The following ALDH1A2 variants were observed in gnomAD, a reference collection of about 807,000 sequenced individuals.
The protein encoded by ALDH1A2 is retinal dehydrogenase 2.
Under a neutral mutation model 60.3 loss-of-function variants are expected in ALDH1A2, and 27 were observed. That is an observed-to-expected ratio of 0.45 (90% CI 0.33 to 0.62). The LOEUF is 0.62. Ranked by LOEUF, ALDH1A2 falls within the 20% of genes least tolerant of loss-of-function variation. The pLI is 0.02. For missense variants in ALDH1A2, 581 were observed against 643.8 expected, an observed-to-expected ratio of 0.90 and a Z score of 1.06; for synonymous variants, 289 against 232.4, an observed-to-expected ratio of 1.24 and a Z score of -2.21.
intron 1 of ALDH1A2, among the ~76,000 whole-genome samples, chr15:58,046,344 T>C (rs1896640133): frequency 6.6e-6 from 1 of 152,062 alleles, no homozygotes; most frequent in African/African-American, 2.4e-5. Context: ...GCAAGTCTGT[T>C]CCCCCAAGAC....
At chr15:58,006,075 C>G (rs1895444485) in intron 4 of ALDH1A2, among the ~76,000 whole-genome samples, 1 of 151,038 alleles carries the variant, frequency 6.6e-6, no homozygotes, top group Non-Finnish European at 1.5e-5. Context: ...TGTTTGGTTA[C>G]ATGAATAAGT....
At chr15:57,967,260 C>T (rs1893928499) in intron 7 of ALDH1A2, among the ~76,000 whole-genome samples, 1 of 151,602 alleles carries the variant, frequency 6.6e-6, no homozygotes, top group Middle Eastern at 3.4e-3. Context: ...GGATCCTCCT[C>T]TGTAGGGGGG....
chr15:58,022,182 T>C (rs1394858173), intron 1 of ALDH1A2, among the ~76,000 whole-genome samples: 3 of 152,102 alleles, frequency 2.0e-5, no homozygotes, highest in African/African-American at 4.8e-5. Flanking sequence ...CAAAAGCCCA[T>C]CTGGCCTCAC....
chr15:57,975,841 CAG>C (rs1371501266), intron 7 of ALDH1A2, among the ~76,000 whole-genome samples: 5 of 151,902 alleles, frequency 3.3e-5, no homozygotes, highest in African/African-American at 1.2e-4. Context: ...AGAGATAAGA[CAG>C]AGAGATTACA....
At chr15:58,047,219 A>G (rs1275918183) in intron 1 of ALDH1A2, among the ~76,000 whole-genome samples, 1 of 151,992 alleles carries the variant, frequency 6.6e-6, no homozygotes. Context: ...GCCATGTTTT[A>G]TTTCAGTAAT....
At chr15:57,984,762 T>C (rs915339308) in intron 7 of ALDH1A2, among the ~76,000 whole-genome samples, 1 of 152,226 alleles carries the variant, frequency 6.6e-6, no homozygotes, top group African/African-American at 2.4e-5. Context: ...CGCTTATCAT[T>C]TAATGGACAT....
chr15:58,013,101 A>G (rs1470390027), intron 3 of ALDH1A2, among the ~76,000 whole-genome samples: 3 of 152,230 alleles, frequency 2.0e-5, no homozygotes, highest in East Asian at 3.8e-4. Context: ...GGAAGTTGCT[A>G]TCTCCTGCTG....
chr15:57,971,086 C>G (rs1465468572), intron 7 of ALDH1A2, among the ~76,000 whole-genome samples: 2 of 152,198 alleles, frequency 1.3e-5, no homozygotes, highest in African/African-American at 4.8e-5. Context: ...GCCAGTATAA[C>G]CACTATGTTT....
intron 1 of ALDH1A2, among the ~76,000 whole-genome samples, chr15:58,037,245 G>T (rs1489980523): frequency 1.3e-5 from 2 of 151,452 alleles, no homozygotes; most frequent in African/African-American, 4.8e-5. Context: ...ATAGAAAGAA[G>T]ACCTCAGAAA....
chr15:57,959,726 T>C (rs1320778712), intron 12 of ALDH1A2, among the ~76,000 whole-genome samples: 1 of 152,148 alleles, frequency 6.6e-6, no homozygotes, highest in Non-Finnish European at 1.5e-5. Flanking sequence ...GTTGCACAGG[T>C]AGTAATAGTG....
At chr15:58,058,598 C>T (rs1206065828) in intron 1 of ALDH1A2, among the ~76,000 whole-genome samples, 1 of 150,770 alleles carries the variant, frequency 6.6e-6, no homozygotes, top group Non-Finnish European at 1.5e-5. Context: ...AATGTATAAT[C>T]AAGATTGGAA....
intron 1 of ALDH1A2, among the ~76,000 whole-genome samples, chr15:58,051,595 C>A (rs1277467387): frequency 6.6e-6 from 1 of 152,080 alleles, no homozygotes; most frequent in Non-Finnish European, 1.5e-5. Context: ...AAAAACTAGC[C>A]ATAACTACAT....
intron 1 of ALDH1A2, among the ~76,000 whole-genome samples, chr15:58,026,003 C>T (rs1896069038): frequency 6.6e-6 from 1 of 152,184 alleles, no homozygotes; most frequent in South Asian, 2.1e-4. Flanking sequence ...CATTGGGGAT[C>T]ACATTGCCAC....
At chr15:58,031,804 G>C (rs1220120291) in intron 1 of ALDH1A2, among the ~76,000 whole-genome samples, 1 of 152,158 alleles carries the variant, frequency 6.6e-6, no homozygotes, top group Non-Finnish European at 1.5e-5. Flanking sequence ...ACCACAATGA[G>C]ATACCATCTC....
In ALDH1A2 at chr15:57,961,184, G is replaced by A. The variant is rs745467454; in HGVS notation, c.1362C>T (p.Ile454=). The A allele has an allele frequency of 1.9e-6, 3 of 1,614,020 alleles. No homozygotes were observed. The highest frequency in any genetic ancestry group is 2.2e-5 in the East Asian group (1 of 44,890). ...GLVAAVFTND[I]NKALTVSSAM... ...CAGAAGACACTGTGAGGGCCTTGTT[G>A]ATGTCATTAGTAAAGACAGCTGCTA... Residue 454 remains isoleucine (I), a synonymous_variant, in exon 11 of 13, where the codon ATC becomes ATT. Coordinates refer to ENST00000249750, the MANE Select transcript of ALDH1A2 (RefSeq NM_003888.4).
At chr15:58,057,935 A>G in intron 1 of ALDH1A2, 1 of 798,260 alleles carries the variant, frequency 1.3e-6, no homozygotes, top group Non-Finnish European at 1.7e-6. Context: ...AATAAAAATT[A>G]AAATTAAATT....
At chr15:58,050,572 A>G (rs1019856292) in intron 1 of ALDH1A2, among the ~76,000 whole-genome samples, 2 of 152,166 alleles carry the variant, frequency 1.3e-5, no homozygotes, top group African/African-American at 4.8e-5. Context: ...CAAGAATGGT[A>G]AGTGAAAACT....
At chr15:58,005,218 G>C (rs1178985416) in intron 4 of ALDH1A2, among the ~76,000 whole-genome samples, 1 of 151,834 alleles carries the variant, frequency 6.6e-6, no homozygotes, top group African/African-American at 2.4e-5. Context: ...TGTCCTTCAG[G>C]TTATCACTTA....
intron 1 of ALDH1A2, among the ~76,000 whole-genome samples, chr15:58,044,420 C>G (rs373584790): frequency 6.6e-6 from 1 of 151,856 alleles, no homozygotes. Context: ...GTTTTCTATT[C>G]CTGTATCATG....
Sources: allele counts gnomAD v4.1 joint callset (sites outside exome capture counted in the v4.1 genomes callset), GRCh38; gene constraint gnomAD v4.1.1; transcripts MANE v1.5; gene names NCBI Gene and HGNC (gene_info 2026-07-23, HGNC 2026-07-21).